The following NCOA2 variants were observed in gnomAD, a reference collection of about 807,000 sequenced individuals.
The protein encoded by NCOA2 is nuclear receptor coactivator 2.
A neutral mutation model predicts 145.1 loss-of-function variants in NCOA2; 21 were observed. The ratio of observed to expected loss-of-function variants is 0.14; its 90% CI spans 0.10 to 0.21. The LOEUF is 0.21. Among genes scored for constraint, NCOA2 ranks in the 10% least tolerant of loss-of-function variants. The pLI, the probability that NCOA2 is intolerant of heterozygous loss-of-function variation, is 1.00. For missense variants in NCOA2, 1,472 were observed against 1,837.6 expected (o/e 0.80, Z 3.64); for synonymous variants, 619 against 637.5 (o/e 0.97, Z 0.44).
intron 1 of NCOA2, among the ~76,000 whole-genome samples, chr8:70,394,270 C>T (rs977074774): frequency 2.0e-5 from 3 of 152,212 alleles, no homozygotes; most frequent in South Asian, 4.1e-4. Flanking sequence ...ATTCTCCTGC[C>T]TCAGCCTCCC....
At chr8:70,424,631 T>G in the NCOA2 span, 1 of 377,700 alleles carries the variant, frequency 2.6e-6, no homozygotes. Context: ...AAACTTTTTC[T>G]GCAAAAAGCC....
intron 1 of NCOA2, among the ~76,000 whole-genome samples, chr8:70,298,618 G>T (rs1827259061): frequency 6.6e-6 from 1 of 152,094 alleles, no homozygotes; most frequent in African/African-American, 2.4e-5. Context: ...ATTTGCTCAA[G>T]GACATCATAT....
intron 2 of NCOA2, among the ~76,000 whole-genome samples, chr8:70,271,608 T>G (rs1041484840): frequency 6.6e-6 from 1 of 152,222 alleles, no homozygotes; most frequent in Non-Finnish European, 1.5e-5. Flanking sequence ...TTTCCAGAGC[T>G]TACATGTTAG....
At chr8:70,214,612 A>G (rs1819402732) in intron 3 of NCOA2, among the ~76,000 whole-genome samples, 1 of 152,198 alleles carries the variant, frequency 6.6e-6, no homozygotes, top group Non-Finnish European at 1.5e-5. Context: ...TAATGCAAAA[A>G]GTCACAATAC....
At chr8:70,400,756 G>A (rs1276013567) in intron 1 of NCOA2, among the ~76,000 whole-genome samples, 1 of 152,072 alleles carries the variant, frequency 6.6e-6, no homozygotes, top group Non-Finnish European at 1.5e-5. Flanking sequence ...GAATTCTCAT[G>A]GTAAATTTGA....
At chr8:70,376,368 C>T (rs532782287) in intron 1 of NCOA2, among the ~76,000 whole-genome samples, 23 of 151,132 alleles carry the variant, frequency 1.5e-4, no homozygotes, top group East Asian at 1.2e-3. Context: ...TACACACACA[C>T]GCACACACAC....
At chr8:70,281,228 C>T (rs1171682223) in intron 2 of NCOA2, among the ~76,000 whole-genome samples, 3 of 151,688 alleles carry the variant, frequency 2.0e-5, no homozygotes, top group Admixed American at 1.3e-4. Flanking sequence ...GTGGCACACA[C>T]CTGTAGTCCC....
At chr8:70,276,632 G>A (rs1455678767) in intron 2 of NCOA2, among the ~76,000 whole-genome samples, 2 of 152,012 alleles carry the variant, frequency 1.3e-5, no homozygotes, top group African/African-American at 2.4e-5. Flanking sequence ...TTCTTCTCTC[G>A]CCTGCTGCCT....
At chr8:70,389,283 ATT>A (rs1302419596) in intron 1 of NCOA2, among the ~76,000 whole-genome samples, 3 of 146,154 alleles carry the variant, frequency 2.1e-5, no homozygotes, top group African/African-American at 5.0e-5. Flanking sequence ...AACAGGCCAA[ATT>A]TTTTTTTTTT....
chr8:70,272,583 C>A (rs1424329688), intron 2 of NCOA2, among the ~76,000 whole-genome samples: 2 of 152,146 alleles, frequency 1.3e-5, no homozygotes, highest in Non-Finnish European at 2.9e-5. Flanking sequence ...CTCCTAACAT[C>A]TGTCACAAAA....
chr8:70,304,473 T>G (rs557447648), intron 1 of NCOA2, among the ~76,000 whole-genome samples: 1 of 118,118 alleles, frequency 8.5e-6, no homozygotes, highest in African/African-American at 2.7e-5. Flanking sequence ...ATATGCATAT[T>G]TTTTTTTTTT....
chr8:70,128,670 C>G, intron 17 of NCOA2, 32 bp downstream of exon 17: 1 of 1,608,440 alleles, frequency 6.2e-7, no homozygotes, highest in Non-Finnish European at 8.5e-7. Flanking sequence ...ACCCAGCACC[C>G]CTGACTTCCC....
At chr8:70,297,338 T>C (rs1391862774) in intron 1 of NCOA2, among the ~76,000 whole-genome samples, 1 of 151,604 alleles carries the variant, frequency 6.6e-6, no homozygotes, top group African/African-American at 2.4e-5. Flanking sequence ...TTATCTTTTA[T>C]TTTCCCCCCT....
chr8:70,215,485 G>T (rs1819519014), intron 3 of NCOA2, among the ~76,000 whole-genome samples: 4 of 152,110 alleles, frequency 2.6e-5, no homozygotes, highest in Admixed American at 2.6e-4. Context: ...AGGAGCTGGG[G>T]GCTGGGATGT....
intron 2 of NCOA2, among the ~76,000 whole-genome samples, chr8:70,221,155 A>G (rs1444659433): frequency 1.3e-5 from 2 of 152,296 alleles, no homozygotes; most frequent in East Asian, 3.9e-4. Context: ...AGACATATGA[A>G]ATTGTGTAAT....
rs73684232 is a variant in NCOA2 at position 70,231,754 on chromosome 8, C to T, written c.-19-14990G>A. Among the ~76,000 whole-genome samples the T allele has an allele frequency of 6.2e-3, 939 of 152,188 alleles. 9 individuals are homozygous for T. Among genetic ancestry groups the T allele is most frequent in the Middle Eastern group, 0.024 (7 of 294 alleles). ...TAGTGGGGATAGTAGGTGGGGTCACCCTCTCCTCACTCCATTACAAAGATG... is the reference window on the plus strand; with the variant it reads ...TAGTGGGGATAGTAGGTGGGGTCACTCTCTCCTCACTCCATTACAAAGATG... On this transcript the variant is annotated intron_variant, in intron 2 of 22. Transcript: ENST00000452400.
At chr8:70,191,201 T>C (rs149121981) in intron 4 of NCOA2, among the ~76,000 whole-genome samples, 1 of 152,364 alleles carries the variant, frequency 6.6e-6, no homozygotes, top group Non-Finnish European at 1.5e-5. Flanking sequence ...AATAGCCTTA[T>C]TGTGTCCTAT....
the NCOA2 span, among the ~76,000 whole-genome samples, chr8:70,443,405 A>G: frequency 6.6e-6 from 1 of 152,092 alleles, no homozygotes; most frequent in African/African-American, 2.4e-5. Context: ...GGTATAATAT[A>G]TTTATTATTA....
chr8:70,356,358 A>G (rs1238273580), intron 1 of NCOA2, among the ~76,000 whole-genome samples: 2 of 152,138 alleles, frequency 1.3e-5, no homozygotes, highest in Non-Finnish European at 2.9e-5. Flanking sequence ...CCCAATAAGT[A>G]TCCCTGCAGC....
Sources: allele counts gnomAD v4.1 joint callset (sites outside exome capture counted in the v4.1 genomes callset), GRCh38; gene constraint gnomAD v4.1.1; transcripts MANE v1.5; gene names NCBI Gene and HGNC (gene_info 2026-07-23, HGNC 2026-07-21).